The following WDR70 variants were observed in gnomAD, a reference collection of about 807,000 sequenced individuals.
WDR70 encodes the protein WD repeat-containing protein 70.
In WDR70, 53 loss-of-function variants were observed where a neutral mutation model predicts 88.6. The ratio of observed to expected loss-of-function variants is 0.60; its 90% confidence interval spans 0.48 to 0.75. The LOEUF (loss-of-function observed/expected upper bound fraction) is 0.75. WDR70 is among the 30% of genes least tolerant of loss of function. WDR70 has a pLI of 0.00. For synonymous variants in WDR70, 280 were observed against 270.0 expected (o/e 1.04, Z -0.36); for missense variants, 610 against 823.2 (o/e 0.74, Z 3.17).
chr5:37,618,027 T>G (rs1014355484), intron 10 of WDR70, among the ~76,000 whole-genome samples: 1 of 152,198 alleles, frequency 6.6e-6, no homozygotes, highest in Non-Finnish European at 1.5e-5. Context: ...CTGAAAACAT[T>G]GGAACTCACA....
chr5:37,691,287 T>C (rs1746787395), intron 10 of WDR70, among the ~76,000 whole-genome samples: 3 of 151,956 alleles, frequency 2.0e-5, no homozygotes, highest in Non-Finnish European at 4.4e-5. Flanking sequence ...CACCCCACTG[T>C]CAATGTTAGA....
chr5:37,613,232 C>A (rs1041245849), intron 10 of WDR70, among the ~76,000 whole-genome samples: 4 of 152,286 alleles, frequency 2.6e-5, no homozygotes, highest in African/African-American at 9.6e-5. Context: ...TAATTTAAGA[C>A]TTCCAGTTAA....
chr5:37,483,068 T>TA (rs1233335964), intron 8 of WDR70, among the ~76,000 whole-genome samples: 213 of 137,494 alleles, frequency 1.5e-3, no homozygotes, highest in Non-Finnish European at 2.3e-3. Context: ...TCTCTTAATT[T>TA]AAAAAAAAAA....
At chr5:37,409,665 C>T (rs922562497) in intron 5 of WDR70, among the ~76,000 whole-genome samples, 10 of 151,888 alleles carry the variant, frequency 6.6e-5, no homozygotes, top group South Asian at 6.2e-4. Context: ...CCAGGATGCC[C>T]GGCTAATTTT....
intron 10 of WDR70, among the ~76,000 whole-genome samples, chr5:37,630,516 C>T (rs1425880425): frequency 6.6e-6 from 1 of 152,090 alleles, no homozygotes; most frequent in Non-Finnish European, 1.5e-5. Context: ...TGCTTGCAGA[C>T]TTGTAGGCCT....
chr5:37,704,711 A>G (rs1483812390), intron 13 of WDR70, among the ~76,000 whole-genome samples: 1 of 152,174 alleles, frequency 6.6e-6, no homozygotes, highest in African/African-American at 2.4e-5. Flanking sequence ...AGCTCTTAAT[A>G]TTAATTGAAT....
rs185010283 is a variant in WDR70 at position 37,698,712 on chromosome 5, T to C, written c.1192+958T>C. Among the ~76,000 whole-genome samples the C allele has an allele frequency of 4.5e-4, 68 of 152,236 alleles. 1 individual carries two copies. The highest frequency in any genetic ancestry group is 1.5e-3 in the African/African-American group (62 of 41,546). On this transcript the variant is annotated intron_variant, in intron 11 of 17. Coordinates refer to ENST00000265107, the MANE Select transcript of WDR70 (RefSeq NM_018034.4). ...CTTTACAACCCAGTGTATAGGATAG[T>C]GGAAATGAAGAGAGAGGCAAGAGAT...
At chr5:37,609,826 A>G (rs1445629642) in intron 10 of WDR70, among the ~76,000 whole-genome samples, 1 of 152,260 alleles carries the variant, frequency 6.6e-6, no homozygotes, top group African/African-American at 2.4e-5. Flanking sequence ...AATCTGAGGC[A>G]GTAATCATAT....
intron 9 of WDR70, among the ~76,000 whole-genome samples, chr5:37,562,115 T>C (rs533339420): frequency 1.3e-5 from 2 of 152,344 alleles, no homozygotes; most frequent in South Asian, 2.1e-4. Context: ...CTCAGCACTT[T>C]GGGAGGCCAA....
At chr5:37,497,354 TCTTCCCTTCC>T (rs1163808623) in intron 8 of WDR70, among the ~76,000 whole-genome samples, 6 of 114,318 alleles carry the variant, frequency 5.2e-5, no homozygotes, top group Non-Finnish European at 7.0e-5. Context: ...TCTTCCCTTC[TCTTCCCTTCC>T]CTCTTCCCTT....
At chr5:37,611,796 T>TA (rs77585864) in intron 10 of WDR70, among the ~76,000 whole-genome samples, 13,675 of 145,942 alleles carry the variant, frequency 0.094, 850 homozygotes, top group South Asian at 0.23. Context: ...TTTTTTTTTT[T>TA]AAAAAAAAAC....
intron 17 of WDR70, among the ~76,000 whole-genome samples, chr5:37,730,669 G>A (rs1007153770): frequency 1.3e-5 from 2 of 152,090 alleles, no homozygotes; most frequent in Non-Finnish European, 2.9e-5. Context: ...ACTTACAGAC[G>A]TGTATTTTTG....
chr5:37,538,181 T>G (rs963079353), intron 9 of WDR70, among the ~76,000 whole-genome samples: 1 of 152,194 alleles, frequency 6.6e-6, no homozygotes, highest in African/African-American at 2.4e-5. Flanking sequence ...TCTGTTGTAT[T>G]CATAATGGTA....
chr5:37,506,705 A>G (rs1365495158), intron 8 of WDR70: 9 of 815,044 alleles, frequency 1.1e-5, no homozygotes, highest in African/African-American at 3.3e-5. Flanking sequence ...AAGCAATATC[A>G]TCAGTCAGTC....
chr5:37,716,454 A>T (rs561483002), intron 13 of WDR70, among the ~76,000 whole-genome samples: 1 of 152,274 alleles, frequency 6.6e-6, no homozygotes, highest in East Asian at 1.9e-4. Flanking sequence ...GATATGATTA[A>T]ATGTCAGCTA....
At chr5:37,682,776 T>C (rs1476773665) in intron 10 of WDR70, among the ~76,000 whole-genome samples, 1 of 152,204 alleles carries the variant, frequency 6.6e-6, no homozygotes, top group Non-Finnish European at 1.5e-5. Context: ...TATTCAGTGG[T>C]CCAAGAGAGT....
intron 7 of WDR70, among the ~76,000 whole-genome samples, chr5:37,447,173 A>G (rs1738511914): frequency 6.6e-6 from 1 of 152,266 alleles, no homozygotes; most frequent in African/African-American, 2.4e-5. Context: ...TGCAGCCAAC[A>G]GACACATGAA....
chr5:37,379,729 C>T (rs986903259), intron 2 of WDR70, among the ~76,000 whole-genome samples, 175 bp downstream of exon 2: 1 of 141,720 alleles, frequency 7.1e-6, no homozygotes, highest in African/African-American at 2.6e-5. Context: ...CCGTTGGAAC[C>T]AACTCAGATG....
intron 5 of WDR70, among the ~76,000 whole-genome samples, chr5:37,419,612 G>A (rs13166191): frequency 2.0e-5 from 3 of 151,356 alleles, no homozygotes; most frequent in South Asian, 4.2e-4. Context: ...TCAGAAGTTC[G>A]AGACCAGCCA....
Sources: gnomAD v4.1 joint callset for allele counts (sites outside exome capture counted in the v4.1 genomes callset) on GRCh38, gnomAD v4.1.1 for gene constraint, MANE v1.5 for transcripts, NCBI Gene and HGNC (gene_info 2026-07-23, HGNC 2026-07-21) for gene names.